The following CTNND2 variants were observed in gnomAD, a reference collection of about 807,000 sequenced individuals.
CTNND2 encodes the protein catenin delta 2, also known as catenin delta-2.
In CTNND2, 22 loss-of-function variants were observed where a neutral mutation model predicts 144.4. That is an observed-to-expected ratio of 0.15 (90% CI 0.11 to 0.22). The LOEUF (loss-of-function observed/expected upper bound fraction) is 0.22. CTNND2 is among the 10% of genes least tolerant of loss of function. CTNND2 has a pLI of 1.00. For synonymous variants in CTNND2, 751 were observed against 695.6 expected (o/e 1.08, Z -1.25); for missense variants, 1,353 against 1,618.8 (o/e 0.84, Z 2.82).
rs1554119029 is a variant in CTNND2 at position 11,774,570 on chromosome 5, A to AAT, written c.38-42299_38-42298insAT. On this transcript the variant is annotated intron_variant, in intron 1 of 21. Coordinates refer to ENST00000304623, the MANE Select transcript of CTNND2 (RefSeq NM_001332.4). The stretch of plus-strand genomic sequence containing the variant: ...TATAATAAAAAAAAATTAAAAAAAA[A>AAT]AACAATGATGGCTTTAGTCTAAAAT... 1.8e-3 allele frequency among the ~76,000 whole-genome samples: 270 copies of AAT among 150,444 alleles called. 3 individuals carry two copies. The highest frequency in any genetic ancestry group is 6.2e-3 in the African/African-American group (258 of 41,302).
At chr5:11,431,533 T>C (rs1432063137) in intron 3 of CTNND2, among the ~76,000 whole-genome samples, 1 of 152,150 alleles carries the variant, frequency 6.6e-6, no homozygotes, top group Non-Finnish European at 1.5e-5. Context: ...AGCTGTAGAT[T>C]CCCTTCATAT....
intron 6 of CTNND2, among the ~76,000 whole-genome samples, chr5:11,394,974 C>T (rs979438088): frequency 1.1e-4 from 17 of 152,088 alleles, no homozygotes; most frequent in Admixed American, 9.8e-4. Context: ...ATCTGTTAGC[C>T]ATCGTTTGAA....
At chr5:11,413,087 TG>T (rs1761671655) in intron 3 of CTNND2, among the ~76,000 whole-genome samples, 1 of 152,180 alleles carries the variant, frequency 6.6e-6, no homozygotes, top group African/African-American at 2.4e-5. Context: ...GTGACTGTTA[TG>T]GGGTATCTTG....
chr5:11,579,631 G>C (rs1778256544), intron 2 of CTNND2, among the ~76,000 whole-genome samples: 1 of 152,194 alleles, frequency 6.6e-6, no homozygotes, highest in African/African-American at 2.4e-5. Context: ...TAACAACTTA[G>C]TTATAATGAG....
At chr5:11,567,364 G>A (rs1223585948) in intron 2 of CTNND2, among the ~76,000 whole-genome samples, 3 of 151,974 alleles carry the variant, frequency 2.0e-5, no homozygotes, top group Admixed American at 2.0e-4. Flanking sequence ...TATTCAGCTT[G>A]GATATCTGGC....
intron 7 of CTNND2, among the ~76,000 whole-genome samples, chr5:11,382,295 C>T (rs549403307): frequency 2.6e-5 from 4 of 152,232 alleles, no homozygotes; most frequent in Non-Finnish European, 4.4e-5. Flanking sequence ...ATAAAAGGTG[C>T]TTAAAAGTAA....
At chr5:11,641,803 CGTGT>C (rs1313432417) in intron 2 of CTNND2, among the ~76,000 whole-genome samples, 1 of 143,642 alleles carries the variant, frequency 7.0e-6, no homozygotes, top group Non-Finnish European at 1.5e-5. Context: ...TGTACATACA[CGTGT>C]ATGTACATAC....
intron 11 of CTNND2, among the ~76,000 whole-genome samples, chr5:11,180,049 T>C (rs1240849061): frequency 3.3e-5 from 5 of 152,208 alleles, no homozygotes; most frequent in Non-Finnish European, 7.3e-5. Context: ...TTGATATGGT[T>C]TGCTCTGGGT....
chr5:11,214,930 C>T (rs1028595265), intron 10 of CTNND2, among the ~76,000 whole-genome samples: 1 of 152,198 alleles, frequency 6.6e-6, no homozygotes, highest in Non-Finnish European at 1.5e-5. Flanking sequence ...CCATTTACCA[C>T]CTGACATATT....
chr5:11,641,476 T>C (rs917849981), intron 2 of CTNND2, among the ~76,000 whole-genome samples: 9 of 143,210 alleles, frequency 6.3e-5, no homozygotes, highest in Non-Finnish European at 1.4e-4. Flanking sequence ...CTTTTATGTA[T>C]GTATATGTAC....
intron 2 of CTNND2, among the ~76,000 whole-genome samples, chr5:11,699,578 T>C (rs537867254): frequency 6.6e-6 from 1 of 152,224 alleles, no homozygotes; most frequent in East Asian, 1.9e-4. Context: ...ATAATATTCC[T>C]CGGGGATATC....
chr5:10,980,362 C>T (rs1737073266), intron 21 of CTNND2, among the ~76,000 whole-genome samples: 1 of 152,146 alleles, frequency 6.6e-6, no homozygotes, highest in Admixed American at 6.5e-5. Flanking sequence ...CATCTCACAC[C>T]AGTCAGAATG....
At chr5:11,641,675 TATATACATATAC>T (rs1192783689) in intron 2 of CTNND2, among the ~76,000 whole-genome samples, 10 of 135,938 alleles carry the variant, frequency 7.4e-5, no homozygotes, top group East Asian at 2.4e-4. Context: ...TATACGTGTG[TATATACATATAC>T]GTGTGTGTAT....
chr5:11,481,220 AT>A (rs1409138723), intron 3 of CTNND2, among the ~76,000 whole-genome samples: 1 of 152,102 alleles, frequency 6.6e-6, no homozygotes, highest in Non-Finnish European at 1.5e-5. Flanking sequence ...GAAAAATTTG[AT>A]ACCTTGCTCC....
At chr5:11,231,918 G>A (rs1022750791) in intron 10 of CTNND2, among the ~76,000 whole-genome samples, 9 of 152,246 alleles carry the variant, frequency 5.9e-5, no homozygotes, top group African/African-American at 2.2e-4. Context: ...GCAGCCTCAG[G>A]ACATGGTGCC....
chr5:11,861,527 C>T (rs756808259), intron 1 of CTNND2, among the ~76,000 whole-genome samples: 4 of 152,310 alleles, frequency 2.6e-5, no homozygotes, highest in East Asian at 1.9e-4. Flanking sequence ...TCACCTCTCT[C>T]GCCATCTCTC....
chr5:11,718,754 C>G (rs1220938784), intron 2 of CTNND2, among the ~76,000 whole-genome samples: 6 of 152,164 alleles, frequency 3.9e-5, no homozygotes, highest in African/African-American at 1.4e-4. Flanking sequence ...GATTTATAGA[C>G]CATCTCATGT....
intron 9 of CTNND2, among the ~76,000 whole-genome samples, chr5:11,345,777 A>G (rs1037010732): frequency 6.6e-6 from 1 of 152,022 alleles, no homozygotes; most frequent in African/African-American, 2.4e-5. Context: ...GAAAAAAGAA[A>G]GAAAGAAAGA....
chr5:11,318,496 A>G (rs1751719360), intron 9 of CTNND2, among the ~76,000 whole-genome samples: 1 of 152,060 alleles, frequency 6.6e-6, no homozygotes, highest in African/African-American at 2.4e-5. Context: ...CCCAATCCTA[A>G]CCCTCAATCC....
Sources: allele counts gnomAD v4.1 joint callset (sites outside exome capture counted in the v4.1 genomes callset), GRCh38; gene constraint gnomAD v4.1.1; transcripts MANE v1.5; gene names NCBI Gene and HGNC (gene_info 2026-07-23, HGNC 2026-07-21).